The following CLPB variants were observed in gnomAD, a reference collection of about 807,000 sequenced individuals.
CLPB encodes the protein mitochondrial disaggregase.
Under a neutral mutation model 78.4 loss-of-function variants are expected in CLPB, and 40 were observed. The observed-to-expected ratio is 0.51, with a 90% CI of 0.40 to 0.66. The LOEUF is 0.66. Among genes scored for constraint, CLPB ranks in the 30% least tolerant of loss-of-function variants. The pLI is 0.00. For synonymous variants in CLPB, 333 were observed against 348.0 expected (o/e 0.96, Z 0.48); for missense variants, 780 against 886.9 (o/e 0.88, Z 1.53).
At chr11:72,429,724 C>T (rs1034573898) in intron 2 of CLPB, among the ~76,000 whole-genome samples, 1 of 152,228 alleles carries the variant, frequency 6.6e-6, no homozygotes, top group African/African-American at 2.4e-5. Flanking sequence ...CTGGGCTGAG[C>T]CGAGTTGAAT....
intron 9 of CLPB, among the ~76,000 whole-genome samples, chr11:72,303,726 A>G (rs1949699546): frequency 6.6e-6 from 1 of 152,196 alleles, no homozygotes; most frequent in Admixed American, 6.5e-5. Context: ...CTCAGTCAAG[A>G]GATCTGCAGG....
At chr11:72,409,254 C>A (rs762794630) in intron 2 of CLPB, among the ~76,000 whole-genome samples, 5 of 152,052 alleles carry the variant, frequency 3.3e-5, no homozygotes, top group Admixed American at 2.0e-4. Flanking sequence ...CTGGGGATTG[C>A]CCAGGGTGGT....
chr11:72,414,944 ACG>A (rs2135121506), intron 2 of CLPB, among the ~76,000 whole-genome samples: 2 of 152,302 alleles, frequency 1.3e-5, no homozygotes, highest in Non-Finnish European at 2.9e-5. Context: ...CAGGCTGGGA[ACG>A]GTGGTTCACG....
At chr11:72,375,591 C>A (rs533644099) in intron 4 of CLPB, among the ~76,000 whole-genome samples, 1 of 152,338 alleles carries the variant, frequency 6.6e-6, no homozygotes, top group East Asian at 1.9e-4. Context: ...CCAGCCTGCT[C>A]ACTTCTCAGG....
At chr11:72,364,004 T>C (rs1005459131) in intron 4 of CLPB, among the ~76,000 whole-genome samples, 1 of 152,176 alleles carries the variant, frequency 6.6e-6, no homozygotes, top group Non-Finnish European at 1.5e-5. Flanking sequence ...TTGCCCCTTC[T>C]TGCCACTGCT....
chr11:72,419,213 G>A (rs1450003296), intron 2 of CLPB, among the ~76,000 whole-genome samples: 7 of 152,164 alleles, frequency 4.6e-5, no homozygotes, highest in East Asian at 3.8e-4. Context: ...TGGTTCTGGC[G>A]GTGCTGACAT....
Position 72,286,965 on chromosome 11 carries a change from T to C in CLPB, c.*6402A>G, listed in dbSNP as rs1217687542. 1 of 152,198 alleles carries C rather than the reference T, an allele frequency of 6.6e-6. No homozygotes were observed. Among genetic ancestry groups the C allele is most frequent in the Admixed American group, 6.5e-5 (1 of 15,268 alleles). 9.4% of individuals were successfully genotyped at this position (152,198 alleles called of 1,614,324 possible). ...TCAAAATGAGAAAATTTAACAACAC[T>C]AGCACTCTCTAGACATTTAAATAAC... On this transcript the variant is annotated 3_prime_UTR_variant, in exon 16 of 16. Transcript: ENST00000538039.
At chr11:72,336,023 G>C (rs1390795277) in intron 5 of CLPB, among the ~76,000 whole-genome samples, 2 of 152,090 alleles carry the variant, frequency 1.3e-5, no homozygotes, top group African/African-American at 4.8e-5. Flanking sequence ...AAGTGGGGAA[G>C]AAGTGGTTGG....
At position 72,430,309 on chromosome 11, in the gene CLPB, C is replaced by T; in HGVS notation, c.455+3G>A. On this transcript the variant is annotated splice_donor_region_variant and intron_variant, in intron 2 of 15. Transcript: ENST00000538039. ...GGAGAGCAAGGCCTGGGGTTCAACT[C>T]ACCTGCTGACTTCTTGCATATTGTT... The T allele has an allele frequency of 1.2e-6, 2 of 1,612,886 alleles. No homozygotes were observed. The highest frequency in any genetic ancestry group is 1.7e-6 in the Non-Finnish European group (2 of 1,179,718).
chr11:72,404,154 A>G (rs1200142729), intron 2 of CLPB, among the ~76,000 whole-genome samples: 5 of 152,332 alleles, frequency 3.3e-5, no homozygotes, highest in Admixed American at 6.5e-5. Context: ...AACATGAAAG[A>G]CAAACACTAC....
rs1430485694 is a variant in CLPB at position 72,325,930 on chromosome 11, A to G, written c.873+3777T>C. On this transcript the variant is annotated intron_variant, in intron 6 of 15. Transcript: ENST00000538039. ...ACATTTTTTACAAAAAAGGCCATCT[A>G]TATAACTATACATAGATATGATCCA... is the stretch of plus-strand genomic sequence containing the variant. Among the ~76,000 whole-genome samples the G allele has an allele frequency of 2.0e-5, 3 of 152,230 alleles. No homozygotes were observed. In the East Asian group the frequency reaches 5.8e-4, roughly 29 times the overall value.
rs1198469735 is a variant in CLPB, at chr11:72,312,836, T to C, written c.989-4232A>G. ...CGTGCCATAGAGGTAAAGGCTGCTA[T>C]GAAAACTGTGGGCTCCAAACGGGAT... On this transcript the variant is annotated intron_variant, in intron 7 of 15. Transcript: ENST00000538039. The surrounding 1 kb of genome is among the most constrained non-coding windows in gnomAD (Gnocchi z 4.2). 6.6e-6 allele frequency among the ~76,000 whole-genome samples: 1 copy of C among 152,188 alleles called. No individual in the cohort carries two copies. The highest frequency in any genetic ancestry group is 1.5e-5 in the Non-Finnish European group (1 of 68,032).
intron 15 of CLPB, 149 bp downstream of exon 15, chr11:72,293,873 G>T: frequency 1.3e-6 from 1 of 764,484 alleles, no homozygotes; most frequent in Non-Finnish European, 2.1e-6. Context: ...GTGATCATGT[G>T]TTTATGGTTC....
chr11:72,376,756 C>T (rs1048733770), intron 4 of CLPB, among the ~76,000 whole-genome samples: 2 of 152,178 alleles, frequency 1.3e-5, no homozygotes, highest in African/African-American at 4.8e-5. Context: ...ACTGCAACCT[C>T]TGCCTTCTGG....
chr11:72,392,839 A>G (rs1355272853), intron 3 of CLPB, among the ~76,000 whole-genome samples: 2 of 152,218 alleles, frequency 1.3e-5, no homozygotes, highest in Non-Finnish European at 2.9e-5. Context: ...TTTGGTGTAC[A>G]TTCCCCTAAA....
chr11:72,336,331 T>C (rs892552682), intron 5 of CLPB, among the ~76,000 whole-genome samples: 2 of 152,196 alleles, frequency 1.3e-5, no homozygotes, highest in Non-Finnish European at 2.9e-5. Context: ...CCCCCGGTTC[T>C]GTCAGCACAC....
intron 1 of CLPB, among the ~76,000 whole-genome samples, chr11:72,431,331 T>A (rs760548131): frequency 6.6e-6 from 1 of 152,170 alleles, no homozygotes; most frequent in Non-Finnish European, 1.5e-5. Flanking sequence ...CAGCCCTGAC[T>A]CAGGGAACTC....
intron 2 of CLPB, among the ~76,000 whole-genome samples, chr11:72,416,319 T>C (rs867434377): frequency 5.3e-5 from 8 of 152,202 alleles, no homozygotes; most frequent in Middle Eastern, 3.2e-3. Flanking sequence ...TTTTCACCTG[T>C]ACTAACTACA....
rs1364482532 is a variant in CLPB, at chr11:72,286,973, T to C, written c.*6394A>G. ...AGAAAATTTAACAACACTAGCACTC[T>C]CTAGACATTTAAATAACATTTAAGT... is the stretch of plus-strand genomic sequence containing the variant. On this transcript the variant is annotated 3_prime_UTR_variant, in exon 16 of 16. Coordinates refer to ENST00000538039, the MANE Select transcript of CLPB (RefSeq NM_001258392.3). The C allele has an allele frequency of 6.6e-6, 1 of 152,232 alleles. No homozygotes were observed. The highest frequency in any genetic ancestry group is 2.4e-5 in the African/African-American group (1 of 41,460). 9.4% of individuals were successfully genotyped at this position (152,232 alleles called of 1,614,324 possible).
Sources: gnomAD v4.1 joint callset for allele counts (sites outside exome capture counted in the v4.1 genomes callset) on GRCh38, gnomAD v4.1.1 for gene constraint, Gnocchi (gnomAD v3.1) non-coding constraint, MANE v1.5 for transcripts, NCBI Gene and HGNC (gene_info 2026-07-23, HGNC 2026-07-21) for gene names.